The following BAHCC1 variants were observed in gnomAD, a reference collection of about 807,000 sequenced individuals.
BAHCC1 encodes BAH domain and coiled-coil containing 1, also known as BAH and coiled-coil domain-containing protein 1.
Under a neutral mutation model 88.2 loss-of-function variants are expected in BAHCC1, and 43 were observed. The ratio of observed to expected loss-of-function variants is 0.49; its 90% confidence interval spans 0.38 to 0.63. BAHCC1 has a LOEUF of 0.63. BAHCC1 is among the 20% of genes least tolerant of loss of function. The pLI is 0.00. For synonymous variants in BAHCC1, 1,510 were observed against 745.5 expected (o/e 2.03, Z -16.71); for missense variants, 3,023 against 1,654.8 (o/e 1.83, Z -14.34).
At chr17:81,432,605 T>TC (rs2064276282) in intron 3 of BAHCC1, among the ~76,000 whole-genome samples, 1 of 99,742 alleles carries the variant, frequency 1.0e-5, no homozygotes, top group African/African-American at 4.1e-5. Flanking sequence ...GGACCCAACC[T>TC]CCGTCCCCAG....
intron 2 of BAHCC1, among the ~76,000 whole-genome samples, chr17:81,417,878 T>C (rs1300201343): frequency 6.6e-6 from 1 of 152,244 alleles, no homozygotes; most frequent in African/African-American, 2.4e-5. Context: ...GGTCCCGGGC[T>C]GAGCCCATGG....
chr17:81,406,900 T>G (rs1555646999), intron 2 of BAHCC1: 1 of 456,292 alleles, frequency 2.2e-6, no homozygotes, highest in Non-Finnish European at 4.4e-6. Flanking sequence ...GCTGCAGCTG[T>G]CCACACGATT....
rs142151212 is a variant in BAHCC1 at position 81,461,910 on chromosome 17, G to A, written c.7247G>A (p.Arg2416His). 582 of 745,302 alleles carry A rather than the reference G, an allele frequency of 7.8e-4. 1 individual carries two copies. The highest frequency in any genetic ancestry group is 5.5e-4 in the Non-Finnish European group (222 of 401,252). The allele number at this position is 745,302 out of a possible 1,614,324, so 46.2% of individuals were successfully genotyped here. ...AGCAGCAGCAAATCCAAGCTCAAGC[G>A]CAAAGAGGCCCTGAGCTTCTCCAAA... ...PSSSSKSKLK[R>H]KEALSFSKAK... is the part of the protein sequence containing the mutation. The change falls in exon 26 of 28, where the codon CGC becomes CAC. Residue 2416 changes from arginine (R) to histidine (H), a missense_variant. Coordinates refer to ENST00000675386, the MANE Select transcript of BAHCC1 (RefSeq NM_001377448.1).
Position 81,399,859 on chromosome 17 carries a change from C to A in BAHCC1, c.120C>A (p.Pro40=), listed in dbSNP as rs868980426. ...CGGCTGGGCCCGCCGCGCAGCCCCC[C>A]GCACACTTCCAGCCGGGAAAGTACT... ...LAPAGPAAQP[P]AHFQPGKYFP... The change falls in exon 2 of 28, where the codon CCC becomes CCA. Residue 40 remains proline (P), a synonymous_variant. Transcript: ENST00000675386. The surrounding 1 kb of genome is among the most constrained non-coding windows in gnomAD (Gnocchi z 4.5). The A allele has an allele frequency of 6.9e-7, 1 of 1,445,258 alleles. No homozygotes were observed. The highest frequency in any genetic ancestry group is 2.5e-4 in the Middle Eastern group (1 of 4,038). The allele number at this position is 1,445,258 out of a possible 1,614,324, so 89.5% of individuals were successfully genotyped here.
At position 81,460,775 on chromosome 17, in the gene BAHCC1, G is replaced by A; in HGVS notation, c.6202+69G>A. ...CTCTGGGGGCTGGGGGAACCAGGAG[G>A]CCCGTGGGGTAGGCAGGGTCCGGGG... On this transcript the variant is annotated intron_variant, in intron 25 of 27. Coordinates refer to ENST00000675386, the MANE Select transcript of BAHCC1 (RefSeq NM_001377448.1). The A allele has an allele frequency of 6.5e-6, 5 of 774,386 alleles. No homozygotes were observed. The South Asian group carries it at 6.7e-5, about 10-fold the overall frequency. 48.0% of individuals were successfully genotyped at this position (774,386 alleles called of 1,614,324 possible). A position where few individuals can be genotyped will look rare whatever the true frequency, so the allele number is the denominator to read the frequency against.
intron 15 of BAHCC1, among the ~76,000 whole-genome samples, 160 bp downstream of exon 15, chr17:81,455,550 G>A (rs557404907): frequency 6.6e-6 from 1 of 152,340 alleles, no homozygotes; most frequent in South Asian, 2.1e-4. Flanking sequence ...GGAGGAGGAG[G>A]GTGACCCTGC....
intron 2 of BAHCC1, among the ~76,000 whole-genome samples, chr17:81,416,450 G>T (rs1296403085): frequency 8.8e-4 from 7 of 7,972 alleles, no homozygotes; most frequent in Non-Finnish European, 2.2e-3. Context: ...GTGTGTGTGT[G>T]TCCATTGAGG....
Position 81,442,283 on chromosome 17 carries a change from A to G in BAHCC1, c.934A>G (p.Thr312Ala), listed in dbSNP as rs12938890. ...CAGGMLGRPGTGVVTSGRCAK... is the reference protein window; with the variant it reads ...CAGGMLGRPGAGVVTSGRCAK... ...AGGGGGCATGCTGGGGCGGCCTGGCACGGGGGTGGTGACCTCCGGGCGCTG... is the reference window on the plus strand; with the variant it reads ...AGGGGGCATGCTGGGGCGGCCTGGCGCGGGGGTGGTGACCTCCGGGCGCTG... The change falls in exon 5 of 28, where the codon ACG becomes GCG. Residue 312 changes from threonine to alanine, a missense_variant. Coordinates refer to ENST00000675386, the MANE Select transcript of BAHCC1 (RefSeq NM_001377448.1). 1 allele frequency: 622,775 copies of G among 622,794 alleles called. 311,378 individuals are homozygous for G. Among genetic ancestry groups the G allele is most frequent in the Middle Eastern group, 1 (3,712 of 3,712 alleles). The allele number at this position is 622,794 out of a possible 1,614,324, so 38.6% of individuals were successfully genotyped here.
intron 2 of BAHCC1, among the ~76,000 whole-genome samples, chr17:81,422,566 CTG>C (rs1340494142): frequency 6.6e-6 from 1 of 152,196 alleles, no homozygotes; most frequent in Admixed American, 6.5e-5. Flanking sequence ...ATTCCCCAGA[CTG>C]TGGGGCCGGG....
chr17:81,406,685 C>G (rs1353154939), intron 2 of BAHCC1, among the ~76,000 whole-genome samples: 1 of 152,264 alleles, frequency 6.6e-6, no homozygotes, highest in East Asian at 1.9e-4. Flanking sequence ...TATAATATTA[C>G]TGCCTCCCGT....
chr17:81,440,175 C>A (rs1241365604), intron 4 of BAHCC1, among the ~76,000 whole-genome samples: 1 of 152,198 alleles, frequency 6.6e-6, no homozygotes, highest in African/African-American at 2.4e-5. Context: ...CCCCGCAGGC[C>A]CCGTTCCCCT....
chr17:81,429,389 C>T (rs1308798665), intron 3 of BAHCC1, among the ~76,000 whole-genome samples: 1 of 152,248 alleles, frequency 6.6e-6, no homozygotes, highest in Non-Finnish European at 1.5e-5. Context: ...CCTCCCCTCC[C>T]TGCGGGGGTT....
intron 3 of BAHCC1, among the ~76,000 whole-genome samples, chr17:81,430,441 C>T (rs2064247731): frequency 6.6e-6 from 1 of 152,168 alleles, no homozygotes; most frequent in African/African-American, 2.4e-5. Context: ...CCACGCCCCA[C>T]CAGCGGCCAC....
At position 81,442,751 on chromosome 17, in the gene BAHCC1, C is replaced by T. The variant is rs564224428; in HGVS notation, c.1402C>T (p.Leu468Phe). The T allele has an allele frequency of 1.5e-5, 12 of 779,022 alleles. No individual in the cohort carries two copies. Among genetic ancestry groups the T allele is most frequent in the African/African-American group, 8.4e-5 (5 of 59,280 alleles). 48.3% of individuals were successfully genotyped at this position (779,022 alleles called of 1,614,324 possible). Residue 468 changes from leucine to phenylalanine, a missense_variant, in exon 5 of 28, where the codon CTC (leucine) becomes TTC (phenylalanine). Transcript: ENST00000675386. The part of the protein sequence containing the change: ...EAALNPRLKG[L>F]DYLSSAGPEA... ...GGCCCTCAACCCCCGGCTAAAGGGC[C>T]TCGACTATCTCAGCAGCGCAGGCCC...
At chr17:81,427,542 A>T (rs917340410) in intron 3 of BAHCC1, among the ~76,000 whole-genome samples, 1 of 152,168 alleles carries the variant, frequency 6.6e-6, no homozygotes, top group Non-Finnish European at 1.5e-5. Flanking sequence ...CCTGGCCAGC[A>T]GGAGACTCCT....
intron 11 of BAHCC1, 58 bp from the exon 12 acceptor site, chr17:81,451,610 C>A (rs1044391900): frequency 5.6e-6 from 4 of 719,294 alleles, no homozygotes; most frequent in Non-Finnish European, 7.7e-6. Flanking sequence ...ACATCAAGAG[C>A]CTGTGAGGGG....
intron 6 of BAHCC1, 121 bp downstream of exon 6, chr17:81,444,038 C>T (rs1169297511): frequency 9.3e-6 from 6 of 642,504 alleles, no homozygotes; most frequent in African/African-American, 3.6e-5. Flanking sequence ...TATGGCCGGC[C>T]GTGGGTGGGG....
rs1267742160 is a variant in BAHCC1, at chr17:81,461,908, G to T, written c.7245G>T (p.Lys2415Asn). 7 of 743,554 alleles carry T rather than the reference G, an allele frequency of 9.4e-6. No individual in the cohort carries two copies. Among genetic ancestry groups the T allele is most frequent in the East Asian group, 2.6e-5 (1 of 38,898 alleles). The allele number at this position is 743,554 out of a possible 1,614,324, so 46.1% of individuals were successfully genotyped here. The change falls in exon 26 of 28, where the codon AAG (lysine) becomes AAT (asparagine). Residue 2415 changes from lysine to asparagine, a missense_variant. Lys to Asn is a moderately conservative substitution (Grantham distance 94, BLOSUM62 0). Coordinates refer to ENST00000675386, the MANE Select transcript of BAHCC1 (RefSeq NM_001377448.1). ...GPSSSSKSKL[K>N]RKEALSFSKA... Reference sequence around the variant, plus strand: ...GCAGCAGCAGCAAATCCAAGCTCAAGCGCAAAGAGGCCCTGAGCTTCTCCA... The same window carrying T: ...GCAGCAGCAGCAAATCCAAGCTCAATCGCAAAGAGGCCCTGAGCTTCTCCA...
Position 81,399,499 on chromosome 17 carries a change from A to C in BAHCC1, c.-206-35A>C. ...GACCCCCGGGCGAGCCGAGCCCCCC[A>C]GTCACCCGTGTCTCCTCTGCTTTTG... On this transcript the variant is annotated intron_variant, in intron 1 of 27. Coordinates refer to ENST00000675386, the MANE Select transcript of BAHCC1 (RefSeq NM_001377448.1). This position sits in a 1 kb window ranked among gnomAD's most constrained non-coding sequence, Gnocchi z 4.5. The C allele has an allele frequency of 3.6e-6, 1 of 274,698 alleles. No individual in the cohort carries two copies. 17.0% of individuals were successfully genotyped at this position (274,698 alleles called of 1,614,324 possible).
Sources: gnomAD v4.1 joint callset for allele counts (sites outside exome capture counted in the v4.1 genomes callset) on GRCh38, gnomAD v4.1.1 for gene constraint, Gnocchi (gnomAD v3.1) non-coding constraint, MANE v1.5 for transcripts, NCBI Gene and HGNC (gene_info 2026-07-23, HGNC 2026-07-21) for gene names.